Variants in CPT1C observed in about 807,000 individuals in gnomAD.
CPT1C encodes palmitoyl thioesterase CPT1C.
A neutral mutation model predicts 97.3 loss-of-function variants in CPT1C; 61 were observed. That is an observed-to-expected ratio of 0.63 (90% CI 0.51 to 0.78). The LOEUF (loss-of-function observed/expected upper bound fraction) is 0.78, where lower values mean the gene tolerates loss of function less well. Ranked by LOEUF, CPT1C falls within the 30% of genes least tolerant of loss-of-function variation. The pLI is 0.00. For synonymous variants in CPT1C, 469 were observed against 447.2 expected (o/e 1.05, Z -0.61); for missense variants, 975 against 1,065.5 (o/e 0.92, Z 1.18).
In CPT1C at chr19:49,702,101, T is replaced by TTATTTATTTATAAATTATAA. The variant is rs1568521758; in HGVS notation, c.693+467_693+468insTATTTATTTATAAATTATAA. The stretch of plus-strand genomic sequence containing the variant: ...TATAAATATATATTTATTTATAAAT[T>TTATTTATTTATAAATTATAA]ATAAATATATATTTATTTATTTATA... On this transcript the variant is annotated intron_variant, in intron 7 of 19. Transcript: ENST00000598293. 2.7e-3 allele frequency among the ~76,000 whole-genome samples: 235 copies of TTATTTATTTATAAATTATAA among 86,388 alleles called. 27 individuals carry two copies. Among genetic ancestry groups the TTATTTATTTATAAATTATAA allele is most frequent in the East Asian group, 0.018 (62 of 3,460 alleles). 56.7% of individuals were successfully genotyped at this position (86,388 alleles called of 152,430 possible).
intron 7 of CPT1C, among the ~76,000 whole-genome samples, chr19:49,703,608 C>G (rs1340678879): frequency 1.7e-5 from 2 of 118,450 alleles, no homozygotes; most frequent in Non-Finnish European, 3.4e-5. Context: ...TTCCTTCCTT[C>G]CTTCCTTCCT....
chr19:49,692,812 C>T (rs898256291), intron 3 of CPT1C, among the ~76,000 whole-genome samples: 5 of 152,326 alleles, frequency 3.3e-5, no homozygotes, highest in East Asian at 3.9e-4. Context: ...CTGCAACCTC[C>T]GCCTCCTGGG....
chr19:49,702,101 T>TTATAA (rs1568521758), intron 7 of CPT1C, among the ~76,000 whole-genome samples: 1 of 86,426 alleles, frequency 1.2e-5, no homozygotes, highest in African/African-American at 6.7e-5. Context: ...ATTTATAAAT[T>TTATAA]ATAAATATAT....
At chr19:49,703,590 TC>T (rs2083327953) in intron 7 of CPT1C, among the ~76,000 whole-genome samples, 1 of 55,856 alleles carries the variant, frequency 1.8e-5, no homozygotes, top group African/African-American at 7.3e-5. Context: ...CCTCCCTCCC[TC>T]CCTCCCTTCC....
At position 49,712,464 on chromosome 19, in the gene CPT1C, G is replaced by C. The variant is rs1600159434; in HGVS notation, c.2020-272G>C. On this transcript the variant is annotated intron_variant, in intron 17 of 19. Coordinates refer to ENST00000598293, the MANE Select transcript of CPT1C (RefSeq NM_001199753.2). Reference sequence around the variant, plus strand: ...CGGGACAACGGGAGCAGACAAAAGGGGAGAGGGTCAGTGGGGTGGGGATAA... The same window carrying C: ...CGGGACAACGGGAGCAGACAAAAGGCGAGAGGGTCAGTGGGGTGGGGATAA... 3 of 485,400 alleles carry C rather than the reference G, an allele frequency of 6.2e-6. No individual in the cohort carries two copies. The East Asian group carries it at 1.1e-4, about 18-fold the overall frequency. 30.1% of individuals were successfully genotyped at this position (485,400 alleles called of 1,614,324 possible).
intron 3 of CPT1C, among the ~76,000 whole-genome samples, chr19:49,696,331 TTTAG>T (rs1291912170): frequency 2.0e-5 from 3 of 152,024 alleles, no homozygotes; most frequent in Non-Finnish European, 2.9e-5. Context: ...TCCAAAGGAG[TTTAG>T]TTAGTAACGC....
intron 4 of CPT1C, among the ~76,000 whole-genome samples, chr19:49,698,123 T>C (rs1174675842): frequency 6.6e-6 from 1 of 150,820 alleles, no homozygotes; most frequent in Non-Finnish European, 1.5e-5. Context: ...CCAGCACTTT[T>C]GGAGGCCAAG....
At position 49,706,363 on chromosome 19, in the gene CPT1C, G is replaced by A. The variant is rs150328622; in HGVS notation, c.1293G>A (p.Ala431=). 22 of 1,509,224 alleles carry A rather than the reference G, an allele frequency of 1.5e-5. No homozygotes were observed. Among genetic ancestry groups the A allele is most frequent in the African/African-American group, 1.3e-4 (9 of 69,308 alleles). The allele number at this position is 1,509,224 out of a possible 1,614,324, so 93.5% of individuals were successfully genotyped here. ...GGCTCACCAGGGAGGACCCGGCAGC[G>A]TCGTTGGATGCCTACGCCCATGCTC... ...PAGLTREDPA[A]SLDAYAHALL... Residue 431 remains alanine (A), a synonymous_variant, in exon 12 of 20, where the codon GCG becomes GCA. Transcript: ENST00000598293. The surrounding 1 kb of genome is among the most constrained non-coding windows in gnomAD (Gnocchi z 4.8).
At position 49,706,145 on chromosome 19, in the gene CPT1C, G is replaced by T. The variant is rs752905653; in HGVS notation, c.1160+41G>T. On this transcript the variant is annotated intron_variant, in intron 11 of 19. Coordinates refer to ENST00000598293, the MANE Select transcript of CPT1C (RefSeq NM_001199753.2). This position sits in a 1 kb window ranked among gnomAD's most constrained non-coding sequence, Gnocchi z 4.8. ...CAGGGGTCAGGGGCTCTCAGAGGCC[G>T]CCAGTGTCCTGAGACTGTGGAAGGG... The T allele has an allele frequency of 2.5e-6, 4 of 1,584,396 alleles. No homozygotes were observed. The highest frequency in any genetic ancestry group is 2.3e-5 in the East Asian group (1 of 44,404).
chr19:49,705,803 G>T (rs1011129849), intron 10 of CPT1C, 106 bp from the exon 11 acceptor site: 59 of 1,010,068 alleles, frequency 5.8e-5, no homozygotes, highest in Admixed American at 1.8e-4. Context: ...ATGATTACTA[G>T]GGTACTTTGA....
chr19:49,698,071 A>T (rs991878269), intron 4 of CPT1C: 1 of 148,034 alleles, frequency 6.8e-6, no homozygotes, highest in Non-Finnish European at 1.5e-5. Context: ...AAAAAAAAAA[A>T]GGTGTGAGCT....
intron 6 of CPT1C, 26 bp downstream of exon 6, chr19:49,701,444 C>G (rs780479352): frequency 1.3e-5 from 20 of 1,590,006 alleles, no homozygotes; most frequent in Non-Finnish European, 1.6e-5. Context: ...CGCAGACGGG[C>G]TGGGGCGGCC....
rs574425347 is a variant in CPT1C, at chr19:49,700,608, G to T, written c.282-76G>T. The T allele has an allele frequency of 2.0e-6, 3 of 1,508,214 alleles. No individual in the cohort carries two copies. In the East Asian group the frequency reaches 6.8e-5, roughly 34 times the overall value. 93.4% of individuals were successfully genotyped at this position (1,508,214 alleles called of 1,614,324 possible). A position where few individuals can be genotyped will look rare whatever the true frequency, so the allele number is the denominator to read the frequency against. On this transcript the variant is annotated intron_variant, in intron 4 of 19. Transcript: ENST00000598293. ...CTGACAGCCAAAAGATCAGCGCAGG[G>T]GCTGGAGGGGGCTGGAAGGGAGGGA...
chr19:49,706,330 G>A lies in CPT1C; in HGVS notation c.1260G>A (p.Glu420=). Reference sequence around the variant, plus strand: ...CTTTCTTTGTGTCACTGGATGCTGAGCCCGCGGGGCTCACCAGGGAGGACC... The same window carrying A: ...CTTTCTTTGTGTCACTGGATGCTGAACCCGCGGGGCTCACCAGGGAGGACC... ...GAAFFVSLDA[E]PAGLTREDPA... The change falls in exon 12 of 20, where the codon GAG becomes GAA. Residue 420 remains glutamate, a synonymous_variant. Transcript: ENST00000598293. The surrounding 1 kb of genome is among the most constrained non-coding windows in gnomAD (Gnocchi z 4.8). The A allele has an allele frequency of 6.6e-7, 1 of 1,523,428 alleles. No individual in the cohort carries two copies. Among genetic ancestry groups the A allele is most frequent in the Non-Finnish European group, 8.8e-7 (1 of 1,140,038 alleles). The allele number at this position is 1,523,428 out of a possible 1,614,324, so 94.4% of individuals were successfully genotyped here. A position where few individuals can be genotyped will look rare whatever the true frequency, so the allele number is the denominator to read the frequency against.
chr19:49,710,704 TCTC>T lies in CPT1C; in HGVS notation c.1732-14_1732-12del, dbSNP rs760298565. 735 of 1,606,842 alleles carry T rather than the reference TCTC, an allele frequency of 4.6e-4. 2 individuals are homozygous for T. Among genetic ancestry groups the T allele is most frequent in the Non-Finnish European group, 6.0e-4 (701 of 1,174,568 alleles). ...CTGAGCCCAGCTGACAGACTCCTCTTCTCCTCCCTGTCCCCCAGGACAGGGGTC... is the reference window on the plus strand; with the variant it reads ...CTGAGCCCAGCTGACAGACTCCTCTTCTCCCTGTCCCCCAGGACAGGGGTC... On this transcript the variant is annotated splice_polypyrimidine_tract_variant and intron_variant, in intron 15 of 19. Coordinates refer to ENST00000598293, the MANE Select transcript of CPT1C (RefSeq NM_001199753.2).
intron 17 of CPT1C, chr19:49,712,252 T>C (rs1373348820): frequency 5.1e-6 from 2 of 390,752 alleles, no homozygotes; most frequent in East Asian, 5.7e-5. Context: ...GCTGAGGCAA[T>C]AGAATCCCTT....
At chr19:49,707,645 G>T (rs1225570687) in intron 13 of CPT1C, 22 bp downstream of exon 13, 6 of 1,520,220 alleles carry the variant, frequency 3.9e-6, no homozygotes, top group Non-Finnish European at 5.4e-6. Flanking sequence ...AGCCCTCCCT[G>T]GTTCTGGGGA....
In CPT1C at chr19:49,706,249, G is replaced by A; in HGVS notation, c.1179G>A (p.Val393=). Residue 393 remains valine, a synonymous_variant, in exon 12 of 20, where the codon GTG becomes GTA. Transcript: ENST00000598293. This position sits in a 1 kb window ranked among gnomAD's most constrained non-coding sequence, Gnocchi z 4.8. ...CCTCCAGGGGCACGTGGGCCCAGGT[G>A]CGGACATCCCTGAAGACCCAGGCAG... The part of the protein sequence containing the change: ...TAAPRGTWAQ[V]RTSLKTQAAE... 3.9e-6 allele frequency: 6 copies of A among 1,540,508 alleles called. No homozygotes were observed. The highest frequency in any genetic ancestry group is 5.2e-6 in the Non-Finnish European group (6 of 1,146,116).
At chr19:49,712,078 C>T (rs1241345229) in intron 17 of CPT1C, 117 bp downstream of exon 17, 2 of 1,278,452 alleles carry the variant, frequency 1.6e-6, no homozygotes, top group Non-Finnish European at 1.1e-6. Context: ...CACGGTGGCT[C>T]ACGCCTGTAA....
Sources: allele counts gnomAD v4.1 joint callset (sites outside exome capture counted in the v4.1 genomes callset), GRCh38; gene constraint gnomAD v4.1.1; non-coding constraint Gnocchi (gnomAD v3.1); transcripts MANE v1.5; gene names NCBI Gene and HGNC (gene_info 2026-07-23, HGNC 2026-07-21).